Variants in CTCFL observed in about 807,000 individuals in gnomAD.
CTCFL encodes the protein transcriptional repressor CTCFL.
A neutral mutation model predicts 67.4 loss-of-function variants in CTCFL; 36 were observed. The observed-to-expected ratio is 0.53, with a 90% CI of 0.41 to 0.71. The LOEUF is 0.71. CTCFL is among the 30% of genes least tolerant of loss of function. The probability of loss-of-function intolerance (pLI) is 0.00; values close to 1 mark genes in which losing one functional copy is unlikely to be tolerated. For missense variants in CTCFL, 786 were observed against 835.2 expected (o/e 0.94, Z 0.73); for synonymous variants, 324 against 302.3 (o/e 1.07, Z -0.75).
At chr20:57,513,056 C>T (rs1007461827) in intron 7 of CTCFL, among the ~76,000 whole-genome samples, 2 of 152,214 alleles carry the variant, frequency 1.3e-5, no homozygotes, top group Non-Finnish European at 2.9e-5. Flanking sequence ...TTTAAACGAA[C>T]AGAATGCTGA....
At chr20:57,519,408 T>TA (rs2069178629) in intron 3 of CTCFL, 31 bp from the exon 4 acceptor site, 1 of 1,592,186 alleles carries the variant, frequency 6.3e-7, no homozygotes, top group Non-Finnish European at 8.6e-7. Context: ...ATGTATTTGT[T>TA]AGAGGTTCAA....
intron 9 of CTCFL, 44 bp downstream of exon 9, chr20:57,508,562 G>A (rs762141672): frequency 2.5e-6 from 4 of 1,582,856 alleles, no homozygotes; most frequent in Admixed American, 1.7e-5. Flanking sequence ...CTGAGATAGA[G>A]GGATCTTTCC....
chr20:57,522,720 G>A (rs553583329), intron 3 of CTCFL, among the ~76,000 whole-genome samples: 3 of 152,080 alleles, frequency 2.0e-5, no homozygotes, highest in Non-Finnish European at 4.4e-5. Context: ...TCCTTCTCTT[G>A]GCCCTGAAGC....
At chr20:57,504,561 C>T (rs758893256) in intron 9 of CTCFL, among the ~76,000 whole-genome samples, 8 of 151,816 alleles carry the variant, frequency 5.3e-5, no homozygotes, top group Admixed American at 1.3e-4. Context: ...AGATTACAGG[C>T]GTGAGCCACC....
upstream of CTCFL, chr20:57,525,146 G>A (rs920714324): frequency 1.3e-5 from 2 of 151,828 alleles, no homozygotes; most frequent in East Asian, 2.0e-4. Context: ...AGAGTGGAGG[G>A]TGGCAGTGCG....
At chr20:57,515,521 G>A (rs1385048288) in intron 6 of CTCFL, 193 bp downstream of exon 6, 10 of 629,916 alleles carry the variant, frequency 1.6e-5, no homozygotes, top group Non-Finnish European at 2.7e-5. Flanking sequence ...TGGGGTTGTG[G>A]CACAGTATCT....
At chr20:57,517,948 T>C (rs1215412243) in intron 5 of CTCFL, among the ~76,000 whole-genome samples, 2 of 152,224 alleles carry the variant, frequency 1.3e-5, no homozygotes, top group Admixed American at 1.3e-4. Context: ...GAAATAATTT[T>C]TTTAAAAATA....
chr20:57,511,220 T>G (rs1378011700), intron 8 of CTCFL, among the ~76,000 whole-genome samples: 1 of 152,010 alleles, frequency 6.6e-6, no homozygotes, highest in African/African-American at 2.4e-5. Context: ...TGTATTTTTT[T>G]GTAGAGACAG....
intron 6 of CTCFL, chr20:57,514,971 C>T (rs990060737): frequency 1.5e-5 from 8 of 548,344 alleles, no homozygotes; most frequent in Middle Eastern, 2.7e-4. Flanking sequence ...CTGGTGGCTA[C>T]GCAAGAGTTC....
rs113430230 is a variant in CTCFL, at chr20:57,519,737, G to A, written c.755-360C>T. ...GCACACCGCCTACCTGAAGTGGGGC[G>A]CCCAAGAAATGTGGCCCTGCATTCT... On this transcript the variant is annotated intron_variant, in intron 3 of 10. Coordinates refer to ENST00000243914, the MANE Select transcript of CTCFL (RefSeq NM_001386993.1). Among the ~76,000 whole-genome samples the A allele has an allele frequency of 1.6e-3, 246 of 152,086 alleles. 1 individual carries two copies. The highest frequency in any genetic ancestry group is 1.1e-3 in the Non-Finnish European group (72 of 67,936).
At chr20:57,522,897 C>A (rs963859578) in intron 3 of CTCFL, among the ~76,000 whole-genome samples, 171 bp downstream of exon 3, 1 of 152,202 alleles carries the variant, frequency 6.6e-6, no homozygotes, top group African/African-American at 2.4e-5. Context: ...AAGTGCAAAA[C>A]CCTTCTGGAT....
Position 57,512,728 on chromosome 20 carries a change from G to A in CTCFL, c.1355C>T (p.Ala452Val). 6.2e-7 allele frequency: 1 copy of A among 1,614,216 alleles called. No homozygotes were observed. Among genetic ancestry groups the A allele is most frequent in the Non-Finnish European group, 8.5e-7 (1 of 1,180,018 alleles). ...GCATTTCAGCTCTGCAGCGCTGTAA[G>A]CATGCAAGTTGCGCATATGCACACC... is the stretch of plus-strand genomic sequence containing the variant. ...DLRVHMRNLH[A>V]YSAAELKCRY... The change falls in exon 8 of 11, where the codon GCT (alanine) becomes GTT (valine). Residue 452 changes from alanine to valine, a missense_variant. Coordinates refer to ENST00000243914, the MANE Select transcript of CTCFL (RefSeq NM_001386993.1).
In CTCFL at chr20:57,504,278, C is replaced by T. The variant is rs1276099017; in HGVS notation, c.1675-677G>A. On this transcript the variant is annotated intron_variant, in intron 9 of 10. Transcript: ENST00000243914. ...GGCATGAGCCACTGCACCCGCCCCC[C>T]GTCTCCTTTTTTTTTTTTGAGATGG... Among the ~76,000 whole-genome samples, 14 of 148,748 alleles carry T rather than the reference C, an allele frequency of 9.4e-5. No individual in the cohort carries two copies. In the South Asian group the frequency reaches 2.3e-3, roughly 25 times the overall value.
intron 10 of CTCFL, among the ~76,000 whole-genome samples, chr20:57,503,233 C>T (rs756522425): frequency 1.3e-5 from 2 of 152,218 alleles, no homozygotes; most frequent in Non-Finnish European, 2.9e-5. Flanking sequence ...CACACATGGA[C>T]CTGCGTGGGG....
intron 1 of CTCFL, chr20:57,524,654 GT>G: frequency 9.9e-7 from 1 of 1,005,154 alleles, no homozygotes; most frequent in Non-Finnish European, 1.2e-6. Flanking sequence ...CAAGTTTCAG[GT>G]CCAAGCAGGC....
Position 57,507,231 on chromosome 20 carries a change from G to A in CTCFL, c.1674+1375C>T, listed in dbSNP as rs150206771. 713 of 231,242 alleles carry A rather than the reference G, an allele frequency of 3.1e-3. 6 individuals are homozygous for A. Among genetic ancestry groups the A allele is most frequent in the African/African-American group, 0.016 (679 of 43,074 alleles). 14.3% of individuals were successfully genotyped at this position (231,242 alleles called of 1,614,324 possible). ...TTTTGAGACAGAGTCTTGCTCTGTC[G>A]CCCAGGCTGGAGGCCAGTGGCACAA... On this transcript the variant is annotated intron_variant, in intron 9 of 10. Transcript: ENST00000243914.
At chr20:57,524,474 G>C (rs2146483529) in intron 1 of CTCFL, 1 of 1,284,462 alleles carries the variant, frequency 7.8e-7, no homozygotes, top group African/African-American at 1.5e-5. Context: ...AGCAGGCTTA[G>C]GGCCAGCACA....
Position 57,497,222 on chromosome 20 carries a change from G to C in CTCFL, c.*1328C>G, listed in dbSNP as rs2067735287. The stretch of plus-strand genomic sequence containing the variant: ...TTATGTAAAACATCTTTAAATAACA[G>C]TAAAAAAATTAAGAAACCATTGCAC... On this transcript the variant is annotated 3_prime_UTR_variant, in exon 11 of 11. Coordinates refer to ENST00000243914, the MANE Select transcript of CTCFL (RefSeq NM_001386993.1). The C allele has an allele frequency of 1.0e-6, 1 of 954,956 alleles. No homozygotes were observed. The highest frequency in any genetic ancestry group is 1.8e-5 in the African/African-American group (1 of 56,560). The allele number at this position is 954,956 out of a possible 1,614,324, so 59.2% of individuals were successfully genotyped here.
intron 3 of CTCFL, among the ~76,000 whole-genome samples, chr20:57,522,484 C>T (rs1205351594): frequency 6.6e-6 from 1 of 152,156 alleles, no homozygotes; most frequent in Non-Finnish European, 1.5e-5. Context: ...TCAGGGTCTT[C>T]CTAATCTGGA....
Sources: allele counts gnomAD v4.1 joint callset (sites outside exome capture counted in the v4.1 genomes callset), GRCh38; gene constraint gnomAD v4.1.1; transcripts MANE v1.5; gene names NCBI Gene and HGNC (gene_info 2026-07-23, HGNC 2026-07-21).